The following UBR2 variants were observed in gnomAD, a reference collection of about 807,000 sequenced individuals.
The protein encoded by UBR2 is ubiquitin protein ligase E3 component n-recognin 2.
Under a neutral mutation model 247.9 loss-of-function variants are expected in UBR2, and 92 were observed. The ratio of observed to expected loss-of-function variants is 0.37; its 90% CI spans 0.31 to 0.44. The LOEUF is 0.44. UBR2 is among the 20% of genes least tolerant of loss of function. The pLI is 1.00. For synonymous variants in UBR2, 672 were observed against 693.5 expected, an observed-to-expected ratio of 0.97 and a Z score of 0.49; for missense variants, 1,613 against 2,112.6, an observed-to-expected ratio of 0.76 and a Z score of 4.64.
chr6:42,652,924 G>A (rs1161232704), intron 25 of UBR2, among the ~76,000 whole-genome samples: 4 of 152,038 alleles, frequency 2.6e-5, no homozygotes, highest in African/African-American at 4.8e-5. Context: ...GATATAATGT[G>A]TTATCTTTTA....
chr6:42,657,259 G>A (rs558293479), intron 26 of UBR2, among the ~76,000 whole-genome samples: 22 of 150,704 alleles, frequency 1.5e-4, no homozygotes, highest in African/African-American at 4.6e-4. Flanking sequence ...AAAAAATTAG[G>A]TTCTCTCTTA....
chr6:42,617,199 G>C (rs1794611354), intron 10 of UBR2: 5 of 1,573,310 alleles, frequency 3.2e-6, no homozygotes, highest in Non-Finnish European at 3.5e-6. Flanking sequence ...TAAACATTTG[G>C]TCATTGTGGA....
intron 1 of UBR2, among the ~76,000 whole-genome samples, chr6:42,568,729 C>CA (rs771603123): frequency 1.7e-4 from 25 of 147,716 alleles, no homozygotes; most frequent in Admixed American, 8.1e-4. Context: ...GACTCTGTCT[C>CA]AAAAAAAAAA....
chr6:42,632,376 A>G (rs952919753), intron 11 of UBR2, among the ~76,000 whole-genome samples, 176 bp from the exon 12 acceptor site: 2 of 152,086 alleles, frequency 1.3e-5, no homozygotes, highest in Non-Finnish European at 1.5e-5. Flanking sequence ...CTTCATACAC[A>G]TGGCAATTGG....
intron 25 of UBR2, 139 bp from the exon 26 acceptor site, chr6:42,655,482 A>C (rs374065252): frequency 4.9e-5 from 25 of 506,514 alleles, no homozygotes; most frequent in Middle Eastern, 1.1e-3. Context: ...AAAAATTAGT[A>C]CTTCAAATTG....
At chr6:42,570,486 G>A (rs1053606137) in intron 1 of UBR2, among the ~76,000 whole-genome samples, 5 of 152,180 alleles carry the variant, frequency 3.3e-5, no homozygotes, top group African/African-American at 1.2e-4. Context: ...GCCCACCTTG[G>A]CCTCCCAAAG....
At position 42,658,332 on chromosome 6, in the gene UBR2, A is replaced by G; in HGVS notation, c.3063+12A>G. 6.2e-7 allele frequency: 1 copy of G among 1,601,094 alleles called. No homozygotes were observed. The highest frequency in any genetic ancestry group is 1.3e-5 in the African/African-American group (1 of 74,292). On this transcript the variant is annotated intron_variant, in intron 28 of 46. Coordinates refer to ENST00000372901, the MANE Select transcript of UBR2 (RefSeq NM_001363705.2). ...CCATAATGGAAGAGGTATAAACAGT[A>G]AAAAGTGTGATAATACTAAAAAATT...
intron 1 of UBR2, among the ~76,000 whole-genome samples, chr6:42,564,824 C>T (rs1363193769): frequency 1.3e-5 from 2 of 152,196 alleles, no homozygotes; most frequent in Non-Finnish European, 2.9e-5. Context: ...CCGTGTGCTC[C>T]TCCGACTAAA....
chr6:42,569,747 TA>T (rs1790998417), intron 1 of UBR2, among the ~76,000 whole-genome samples: 1 of 152,222 alleles, frequency 6.6e-6, no homozygotes. Flanking sequence ...AACTAACCTC[TA>T]GGGATTCTTT....
intron 22 of UBR2, among the ~76,000 whole-genome samples, 158 bp downstream of exon 22, chr6:42,648,328 C>T (rs917724998): frequency 6.6e-6 from 1 of 152,180 alleles, no homozygotes; most frequent in African/African-American, 2.4e-5. Flanking sequence ...TTCTCACTGA[C>T]ATTTCACTTT....
intron 36 of UBR2, among the ~76,000 whole-genome samples, chr6:42,672,101 C>T (rs1488175721): frequency 2.0e-5 from 3 of 151,942 alleles, no homozygotes; most frequent in Non-Finnish European, 4.4e-5. Context: ...GGCACAATCT[C>T]GGCCCACTGC....
At position 42,642,413 on chromosome 6, in the gene UBR2, T is replaced by A; in HGVS notation, c.2032-3T>A. The A allele has an allele frequency of 6.3e-7, 1 of 1,591,308 alleles. No homozygotes were observed. Among genetic ancestry groups the A allele is most frequent in the Non-Finnish European group, 8.6e-7 (1 of 1,164,702 alleles). On this transcript the variant is annotated splice_region_variant and splice_polypyrimidine_tract_variant and intron_variant, in intron 17 of 46. Coordinates refer to ENST00000372901, the MANE Select transcript of UBR2 (RefSeq NM_001363705.2). Reference sequence around the variant, plus strand: ...TACTCAATATAATTACTTTTTTTTTTAGATTTATTACTACCATAATGTGAA... The same window carrying A: ...TACTCAATATAATTACTTTTTTTTTAAGATTTATTACTACCATAATGTGAA...
intron 25 of UBR2, among the ~76,000 whole-genome samples, chr6:42,652,877 T>C (rs1304627267): frequency 6.6e-6 from 1 of 152,232 alleles, no homozygotes; most frequent in Non-Finnish European, 1.5e-5. Context: ...CTCTCCTAGA[T>C]TGGTCCTTGT....
Position 42,640,266 on chromosome 6 carries a change from C to A in UBR2, c.1916C>A (p.Pro639His). 3 of 1,606,164 alleles carry A rather than the reference C, an allele frequency of 1.9e-6. No homozygotes were observed. The highest frequency in any genetic ancestry group is 2.5e-6 in the Non-Finnish European group (3 of 1,177,186). ...GCATATAAATTTCCAGAGCTCCTACCTCTAGTAAGTGGTGCTTACATTTAA... is the reference window on the plus strand; with the variant it reads ...GCATATAAATTTCCAGAGCTCCTACATCTAGTAAGTGGTGCTTACATTTAA... ...EVAYKFPELL[P>H]LSELSPPMLI... The change falls in exon 16 of 47, where the codon CCT becomes CAT. Residue 639 changes from proline to histidine, a missense_variant. Pro to His is a moderately conservative substitution (Grantham distance 77). Around this residue, in one of 3 missense-constraint regions of UBR2, gnomAD observed 1,524 missense variants for 1,967.3 expected, o/e 0.77. Coordinates refer to ENST00000372901, the MANE Select transcript of UBR2 (RefSeq NM_001363705.2).
rs375367928 is a variant in UBR2, at chr6:42,594,215, T to G, written c.442T>G (p.Phe148Val). ...YRMTTSGGGG[F>V]CDCGDTEAWK... ...GATGACAACATCAGGAGGTGGAGGTTTCTGTGACTGTGGTGATACTGAAGC... is the reference window on the plus strand; with the variant it reads ...GATGACAACATCAGGAGGTGGAGGTGTCTGTGACTGTGGTGATACTGAAGC... Residue 148 changes from phenylalanine to valine, a missense_variant, in exon 4 of 47, where the codon TTC becomes GTC. This residue lies in a region of UBR2 where 1,524 missense variants were observed against 1,967.3 expected (regional missense o/e 0.77). Transcript: ENST00000372901. The G allele has an allele frequency of 6.2e-7, 1 of 1,612,686 alleles. No individual in the cohort carries two copies.
intron 11 of UBR2, among the ~76,000 whole-genome samples, chr6:42,627,060 A>G (rs1795392318): frequency 6.6e-6 from 1 of 152,126 alleles, no homozygotes; most frequent in Admixed American, 6.6e-5. Flanking sequence ...AAGCTTTATT[A>G]TTACTCAAAT....
chr6:42,605,008 CAG>C (rs75987007), intron 5 of UBR2, among the ~76,000 whole-genome samples: 11,658 of 151,526 alleles, frequency 0.077, 538 homozygotes, highest in South Asian at 0.12. Context: ...GCCTGGGCGA[CAG>C]AGTGAGACCC....
chr6:42,608,281 C>G (rs904561612), intron 7 of UBR2, among the ~76,000 whole-genome samples: 2 of 152,130 alleles, frequency 1.3e-5, no homozygotes, highest in African/African-American at 4.8e-5. Context: ...GGGCCTGTTT[C>G]TCCACATCTT....
chr6:42,672,225 G>T (rs1391084950), intron 36 of UBR2, among the ~76,000 whole-genome samples: 1 of 152,016 alleles, frequency 6.6e-6, no homozygotes, highest in Non-Finnish European at 1.5e-5. Flanking sequence ...TAGAGATGGG[G>T]TTTCACCATG....
Sources: allele counts gnomAD v4.1 joint callset (sites outside exome capture counted in the v4.1 genomes callset), GRCh38; gene constraint gnomAD v4.1.1; regional missense constraint gnomAD v4.1.1; transcripts MANE v1.5; gene names NCBI Gene and HGNC (gene_info 2026-07-23, HGNC 2026-07-21).